Variants in LRRC37A2 observed in about 807,000 individuals in gnomAD.
LRRC37A2 encodes leucine-rich repeat-containing protein 37A2.
LRRC37A2 carries 9 observed loss-of-function variants against 68.8 expected under a neutral mutation model. The observed-to-expected ratio is 0.13, with a 90% CI of 0.08 to 0.23. The LOEUF is 0.23. LRRC37A2 is among the 10% of genes least tolerant of loss of function. The pLI, the probability that LRRC37A2 is intolerant of heterozygous loss-of-function variation, is 1.00. For synonymous variants in LRRC37A2, 63 were observed against 367.6 expected (o/e 0.17, Z 9.48); for missense variants, 168 against 950.4 (o/e 0.18, Z 10.82).
chr17:46,785,729 A>T, the LRRC37A2 span, among the ~76,000 whole-genome samples: 1 of 152,194 alleles, frequency 6.6e-6, no homozygotes, highest in South Asian at 2.1e-4. Context: ...GGGTGCGGGC[A>T]GGAGCTCAAA....
the LRRC37A2 span, among the ~76,000 whole-genome samples, chr17:46,475,744 C>T: frequency 1.2e-5 from 1 of 80,942 alleles, no homozygotes; most frequent in East Asian, 2.5e-4. Flanking sequence ...TCAGATCCTA[C>T]ATCACTATTA....
chr17:46,878,466 G>T, the LRRC37A2 span, among the ~76,000 whole-genome samples: 1 of 152,192 alleles, frequency 6.6e-6, no homozygotes, highest in East Asian at 1.9e-4. Flanking sequence ...CAGAGGCCCG[G>T]CTGAGAAGCC....
chr17:47,005,100 C>G, the LRRC37A2 span, among the ~76,000 whole-genome samples: 11,367 of 152,286 alleles, frequency 0.075, 507 homozygotes, highest in Middle Eastern at 0.12. Flanking sequence ...CTGTTTTTAA[C>G]ATCTCACCCC....
chr17:46,956,277 CTTTTTTTTTTTTTTTTTTTT>C, the LRRC37A2 span, among the ~76,000 whole-genome samples: 15 of 62,656 alleles, frequency 2.4e-4, 1 homozygote, highest in East Asian at 6.5e-3. Context: ...CTTGCCAGTC[CTTTTTTTTTTTTTTTTTTTT>C]TTTTTTTTTT....
the LRRC37A2 span, among the ~76,000 whole-genome samples, chr17:46,779,814 C>T: frequency 1.3e-5 from 2 of 152,050 alleles, no homozygotes; most frequent in African/African-American, 4.8e-5. Context: ...GGCTGGAGTA[C>T]AAAGCGTGAT....
At chr17:46,569,099 A>C in the LRRC37A2 span, among the ~76,000 whole-genome samples, 1 of 148,688 alleles carries the variant, frequency 6.7e-6, no homozygotes, top group Non-Finnish European at 1.5e-5. Context: ...TGCACCACCA[A>C]GCCTGGCTAA....
the LRRC37A2 span, among the ~76,000 whole-genome samples, chr17:46,585,349 T>G: frequency 1.2e-5 from 1 of 84,678 alleles, no homozygotes; most frequent in Non-Finnish European, 2.9e-5. Context: ...AGAGAGAGAA[T>G]CCTTAAGACA....
the LRRC37A2 span, chr17:47,017,629 C>T: frequency 6.9e-6 from 11 of 1,583,600 alleles, no homozygotes; most frequent in South Asian, 4.4e-5. Flanking sequence ...CTCCCTGTTT[C>T]ACCCAAGAAG....
At chr17:46,795,084 A>G in the LRRC37A2 span, among the ~76,000 whole-genome samples, 1 of 152,120 alleles carries the variant, frequency 6.6e-6, no homozygotes, top group African/African-American at 2.4e-5. Flanking sequence ...CCTGGTGGGA[A>G]TTCTTACCTG....
At chr17:46,914,265 A>T in the LRRC37A2 span, among the ~76,000 whole-genome samples, 13 of 152,222 alleles carry the variant, frequency 8.5e-5, no homozygotes, top group African/African-American at 3.1e-4. Flanking sequence ...GGCCAGGAGG[A>T]AAAATAATCC....
At chr17:46,864,584 G>T in the LRRC37A2 span, among the ~76,000 whole-genome samples, 1 of 152,124 alleles carries the variant, frequency 6.6e-6, no homozygotes, top group African/African-American at 2.4e-5. Flanking sequence ...GGGCCACCCA[G>T]GGGGTCAGAG....
the LRRC37A2 span, among the ~76,000 whole-genome samples, chr17:46,737,148 T>TG: frequency 1.3e-5 from 2 of 152,162 alleles, no homozygotes; most frequent in African/African-American, 2.4e-5. Flanking sequence ...ACATTGTACC[T>TG]GCCCTCAGAT....
the LRRC37A2 span, among the ~76,000 whole-genome samples, chr17:47,007,305 G>C: frequency 6.6e-6 from 1 of 152,102 alleles, no homozygotes; most frequent in Non-Finnish European, 1.5e-5. Flanking sequence ...AGCCTCCCAA[G>C]TAGCTGGGAT....
chr17:46,761,330 G>GTTTTTTTTTTTTTTT, the LRRC37A2 span, among the ~76,000 whole-genome samples: 1 of 145,554 alleles, frequency 6.9e-6, no homozygotes. Flanking sequence ...GTTTTTTTTT[G>GTTTTTTTTTTTTTTT]TTTGTTTTTT....
the LRRC37A2 span, among the ~76,000 whole-genome samples, chr17:46,678,447 A>T: frequency 2.0e-5 from 3 of 148,060 alleles, no homozygotes; most frequent in Non-Finnish European, 3.0e-5. Context: ...ATAAGATGAA[A>T]ATAACCAGAG....
chr17:46,823,580 C>T, the LRRC37A2 span, among the ~76,000 whole-genome samples: 1 of 152,050 alleles, frequency 6.6e-6, no homozygotes. Context: ...GCTGGGATTA[C>T]AAGCATGCAC....
At chr17:46,789,514 C>T in the LRRC37A2 span, among the ~76,000 whole-genome samples, 1 of 152,212 alleles carries the variant, frequency 6.6e-6, no homozygotes, top group Non-Finnish European at 1.5e-5. Flanking sequence ...GATGATGCAG[C>T]AGGAAGGCCC....
At chr17:46,775,086 G>A in the LRRC37A2 span, among the ~76,000 whole-genome samples, 7 of 152,210 alleles carry the variant, frequency 4.6e-5, no homozygotes, top group Non-Finnish European at 1.0e-4. Flanking sequence ...GAGGTTTTTT[G>A]TGTGCTTTTT....
At chr17:46,798,469 G>C in the LRRC37A2 span, among the ~76,000 whole-genome samples, 1 of 152,170 alleles carries the variant, frequency 6.6e-6, no homozygotes, top group African/African-American at 2.4e-5. Context: ...TGATCAGCTT[G>C]CAGGAGAATA....
Sources: gnomAD v4.1 joint callset for allele counts (sites outside exome capture counted in the v4.1 genomes callset) on GRCh38, gnomAD v4.1.1 for gene constraint, MANE v1.5 for transcripts, NCBI Gene and HGNC (gene_info 2026-07-23, HGNC 2026-07-21) for gene names.